The following TTC39B variants were observed in gnomAD, a reference collection of about 807,000 sequenced individuals.
TTC39B encodes tetratricopeptide repeat domain 39B, also known as tetratricopeptide repeat protein 39B.
TTC39B carries 92 observed loss-of-function variants against 96.6 expected under a neutral mutation model. That is an observed-to-expected ratio of 0.95 (90% CI 0.80 to 1.13). The LOEUF is 1.13. Among genes scored for constraint, TTC39B ranks in the 50% most tolerant of loss-of-function variants. The pLI is 0.00. For missense variants in TTC39B, 955 were observed against 809.3 expected (o/e 1.18, Z -2.18); for synonymous variants, 367 against 299.4 (o/e 1.23, Z -2.33).
chr9:15,233,955 G>A (rs1421710138), intron 2 of TTC39B, among the ~76,000 whole-genome samples: 11 of 151,458 alleles, frequency 7.3e-5, no homozygotes, highest in Middle Eastern at 3.4e-3. Flanking sequence ...AGTGAGGAGC[G>A]TCTCTGCCCC....
chr9:15,182,519 C>T, intron 16 of TTC39B, 104 bp from the exon 17 acceptor site: 2 of 689,984 alleles, frequency 2.9e-6, no homozygotes, highest in South Asian at 2.3e-5. Flanking sequence ...TTCTAGGAAC[C>T]TCAGGACAAT....
chr9:15,271,822 C>A (rs1823363696), intron 1 of TTC39B, among the ~76,000 whole-genome samples: 1 of 152,210 alleles, frequency 6.6e-6, no homozygotes, highest in Non-Finnish European at 1.5e-5. Context: ...TTTACCATTT[C>A]ACTGGTTTCC....
chr9:15,207,594 C>G (rs867527409), intron 6 of TTC39B, among the ~76,000 whole-genome samples: 59 of 152,218 alleles, frequency 3.9e-4, no homozygotes, highest in African/African-American at 1.4e-3. Context: ...GTTTATAACT[C>G]TGATCAGTTC....
chr9:15,281,937 C>G (rs111552798), intron 1 of TTC39B, among the ~76,000 whole-genome samples: 116 of 152,244 alleles, frequency 7.6e-4, no homozygotes, highest in African/African-American at 2.8e-3. Flanking sequence ...CTCAGCCTCC[C>G]AAAGTGTTGA....
At chr9:15,275,585 C>G (rs1029766099) in intron 1 of TTC39B, among the ~76,000 whole-genome samples, 4 of 152,110 alleles carry the variant, frequency 2.6e-5, no homozygotes, top group African/African-American at 9.7e-5. Flanking sequence ...AGGAAGTCTT[C>G]TGGGAGAAGG....
At chr9:15,257,543 G>T (rs114930591) in intron 2 of TTC39B, among the ~76,000 whole-genome samples, 10 of 151,972 alleles carry the variant, frequency 6.6e-5, no homozygotes, top group Middle Eastern at 3.4e-3. Context: ...CGACTTCTGC[G>T]GCTCAAATGA....
At chr9:15,245,364 C>G (rs977623506) in intron 2 of TTC39B, among the ~76,000 whole-genome samples, 1 of 152,200 alleles carries the variant, frequency 6.6e-6, no homozygotes, top group South Asian at 2.1e-4. Flanking sequence ...TATAAATATT[C>G]GAGTAATTAA....
exon 20 of TTC39B, chr9:15,167,028 A>ATTTTTTTTTTT (rs549150155): frequency 1.8e-4 from 2 of 11,034 alleles, no homozygotes; most frequent in African/African-American, 5.7e-4. Context: ...ATATATATAT[A>ATTTTTTTTTTT]TTTTTTTTTT....
chr9:15,218,425 T>C (rs1218026870), intron 3 of TTC39B, among the ~76,000 whole-genome samples: 1 of 152,074 alleles, frequency 6.6e-6, no homozygotes, highest in Non-Finnish European at 1.5e-5. Flanking sequence ...GAGTGTGTTT[T>C]GTGAACTTTC....
At chr9:15,250,348 A>G (rs1311230101) in intron 2 of TTC39B, 1 of 413,846 alleles carries the variant, frequency 2.4e-6, no homozygotes, top group African/African-American at 2.2e-5. Context: ...TAAAAACCAC[A>G]GAATATTTTC....
At chr9:15,189,690 T>G (rs1818743455) in intron 12 of TTC39B, 35 bp downstream of exon 12, 1 of 1,614,070 alleles carries the variant, frequency 6.2e-7, no homozygotes, top group African/African-American at 1.3e-5. Context: ...TGATTAATTA[T>G]GGTTGAAACA....
Position 15,192,700 on chromosome 9 carries a change from G to C in TTC39B, c.825-5C>G. The C allele has an allele frequency of 6.2e-7, 1 of 1,605,926 alleles. No individual in the cohort carries two copies. The highest frequency in any genetic ancestry group is 8.5e-7 in the Non-Finnish European group (1 of 1,175,624). The stretch of plus-strand genomic sequence containing the variant: ...TGCAGGATAGAAAGACATTCTCTGG[G>C]TTGAAGAAAAAAAGTGACAGCATAA... On this transcript the variant is annotated splice_polypyrimidine_tract_variant and splice_region_variant and intron_variant, in intron 8 of 19. Transcript: ENST00000512701.
chr9:15,170,924 G>C (rs1817629495), exon 20 of TTC39B: 1 of 152,160 alleles, frequency 6.6e-6, no homozygotes, highest in African/African-American at 2.4e-5. Context: ...AACTGAAAAA[G>C]ACCTTGAAAG....
chr9:15,212,447 C>CA (rs2131353871), intron 4 of TTC39B, among the ~76,000 whole-genome samples: 1 of 151,302 alleles, frequency 6.6e-6, no homozygotes, highest in Non-Finnish European at 1.5e-5. Flanking sequence ...TTTTTTGAGA[C>CA]AGAGCTTCGC....
chr9:15,282,112 C>T (rs534474749), intron 1 of TTC39B, among the ~76,000 whole-genome samples: 1 of 152,232 alleles, frequency 6.6e-6, no homozygotes, highest in East Asian at 1.9e-4. Context: ...CCAATACTAT[C>T]ATAAGTAAAA....
intron 2 of TTC39B, among the ~76,000 whole-genome samples, chr9:15,246,144 T>C (rs1339769381): frequency 6.6e-6 from 1 of 152,114 alleles, no homozygotes; most frequent in Non-Finnish European, 1.5e-5. Flanking sequence ...TCCCGGCTAC[T>C]AGGGAGTCTG....
At chr9:15,184,420 T>TA (rs35811990) in intron 16 of TTC39B, among the ~76,000 whole-genome samples, 90,403 of 143,108 alleles carry the variant, frequency 0.63, 28,386 homozygotes, top group East Asian at 0.91. Flanking sequence ...ACTCTGAATT[T>TA]AAAAAAAAAA....
At chr9:15,189,468 G>T in intron 13 of TTC39B, 106 bp downstream of exon 13, 1 of 1,168,038 alleles carries the variant, frequency 8.6e-7, no homozygotes, top group Non-Finnish European at 1.2e-6. Flanking sequence ...TTTTTGTCTA[G>T]TCCATATAGC....
intron 1 of TTC39B, among the ~76,000 whole-genome samples, chr9:15,289,624 A>G (rs1476085934): frequency 6.6e-6 from 1 of 152,244 alleles, no homozygotes; most frequent in Non-Finnish European, 1.5e-5. Context: ...ATGTCTTGCT[A>G]GGAACAGATA....
Sources: gnomAD v4.1 joint callset for allele counts (sites outside exome capture counted in the v4.1 genomes callset) on GRCh38, gnomAD v4.1.1 for gene constraint, MANE v1.5 for transcripts, NCBI Gene and HGNC (gene_info 2026-07-23, HGNC 2026-07-21) for gene names.